The following RPL26 variants were observed in gnomAD, a reference collection of about 807,000 sequenced individuals.
RPL26 encodes the protein ribosomal protein L26, also known as large ribosomal subunit protein uL24.
A neutral mutation model predicts 16.2 loss-of-function variants in RPL26; 1 was observed. The observed-to-expected ratio is 0.06, with a 90% CI of 0.02 to 0.29. The LOEUF is 0.29. Among genes scored for constraint, RPL26 ranks in the 10% least tolerant of loss-of-function variants. The pLI is 1.00. For synonymous variants in RPL26, 55 were observed against 62.4 expected, an observed-to-expected ratio of 0.88 and a Z score of 0.56; for missense variants, 102 against 184.3, an observed-to-expected ratio of 0.55 and a Z score of 2.58.
At chr17:8,382,431 G>T in intron 1 of RPL26, 116 bp from the exon 2 acceptor site, 1 of 727,948 alleles carries the variant, frequency 1.4e-6, no homozygotes, top group Non-Finnish European at 2.2e-6. Flanking sequence ...GTGTCATGTT[G>T]TGCAACTTCA....
chr17:8,380,974 G>A (rs1185299154), intron 2 of RPL26: 2 of 152,184 alleles, frequency 1.3e-5, no homozygotes, highest in Non-Finnish European at 2.9e-5. Context: ...TAGGCAGCTA[G>A]AGGCTTCCCC....
intron 3 of RPL26, 133 bp from the exon 4 acceptor site, chr17:8,377,825 A>G (rs1306613195): frequency 2.7e-6 from 2 of 734,116 alleles, no homozygotes; most frequent in African/African-American, 3.5e-5. Flanking sequence ...TTTAACTTTT[A>G]AAAAACTCCA....
intron 3 of RPL26, 122 bp from the exon 4 acceptor site, chr17:8,377,814 T>C (rs1048191921): frequency 1.2e-6 from 1 of 820,486 alleles, no homozygotes; most frequent in Non-Finnish European, 1.8e-6. Flanking sequence ...TAAGAAAAGA[T>C]TTTAACTTTT....
At position 8,382,315 on chromosome 17, in the gene RPL26, G is replaced by C. The variant is rs753066603; in HGVS notation, c.-5C>G. The C allele has an allele frequency of 8.1e-6, 13 of 1,605,538 alleles. No individual in the cohort carries two copies. The East Asian group carries it at 2.9e-4, about 36-fold the overall frequency. On this transcript the variant is annotated splice_region_variant and 5_prime_UTR_variant, in exon 2 of 4. Coordinates refer to ENST00000648839, the MANE Select transcript of RPL26 (RefSeq NM_000987.5). ...CACAAAGGGATTAAACTTCATTTTG[G>C]CTAAATAAAAAGTTAAAAAGACTCT...
intron 2 of RPL26, chr17:8,380,957 TAC>T (rs1388452567): frequency 1.3e-5 from 2 of 152,168 alleles, no homozygotes; most frequent in Non-Finnish European, 2.9e-5. Flanking sequence ...GACTAGAAAT[TAC>T]AGTTTAGGCA....
intron 1 of RPL26, chr17:8,382,703 A>G: frequency 3.4e-6 from 1 of 293,998 alleles, no homozygotes; most frequent in Non-Finnish European, 6.2e-6. Context: ...AGAAGGTACA[A>G]TCAACGTTCA....
In RPL26 at chr17:8,377,681, A is replaced by C. The variant is rs1211393150; in HGVS notation, c.321T>G (p.Thr107=). The C allele has an allele frequency of 3.7e-6, 6 of 1,606,604 alleles. No individual in the cohort carries two copies. ...TGCGGTCTTTGTCCAGTTTTAGCCTAGTGATAACCACCTGCAGAAAAATAA... is the reference window on the plus strand; with the variant it reads ...TGCGGTCTTTGTCCAGTTTTAGCCTCGTGATAACCACCTGCAGAAAAATAA... ...VGIHPSKVVI[T]RLKLDKDRKK... is the part of the protein sequence containing the mutation. Residue 107 remains threonine (T), a synonymous_variant, in exon 4 of 4, where the codon ACT becomes ACG. Coordinates refer to ENST00000648839, the MANE Select transcript of RPL26 (RefSeq NM_000987.5).
At chr17:8,379,109 GC>G (rs1197834180) in intron 3 of RPL26, 1 of 152,108 alleles carries the variant, frequency 6.6e-6, no homozygotes, top group Admixed American at 6.5e-5. Flanking sequence ...CTACCAAGTT[GC>G]TAGGAGGCGA....
At chr17:8,380,290 C>T (rs944514773) in intron 2 of RPL26, among the ~76,000 whole-genome samples, 1 of 152,216 alleles carries the variant, frequency 6.6e-6, no homozygotes, top group Non-Finnish European at 1.5e-5. Flanking sequence ...ACAGATTCTT[C>T]TTCCCAGTTT....
chr17:8,381,117 C>T (rs1320689170), intron 2 of RPL26: 1 of 152,096 alleles, frequency 6.6e-6, no homozygotes, highest in African/African-American at 2.4e-5. Flanking sequence ...GGCCCCCATC[C>T]AGGAACCAAC....
intron 1 of RPL26, 86 bp from the exon 2 acceptor site, chr17:8,382,401 G>A: frequency 1.0e-6 from 1 of 980,260 alleles, no homozygotes. Flanking sequence ...TATCTTGATA[G>A]TCTAGAATGA....
At chr17:8,379,576 A>G (rs1907318476) in intron 3 of RPL26, 1 of 583,714 alleles carries the variant, frequency 1.7e-6, no homozygotes, top group Admixed American at 3.3e-5. Flanking sequence ...TGTCTCAAAA[A>G]CAAACTAACA....
chr17:8,383,097 G>A (rs1907507054), intron 1 of RPL26, 60 bp downstream of exon 1: 1 of 398,622 alleles, frequency 2.5e-6, no homozygotes. Context: ...GCGGTCGGAA[G>A]CCACCATGCC....
At chr17:8,381,980 G>A in intron 2 of RPL26, 163 bp downstream of exon 2, 2 of 550,836 alleles carry the variant, frequency 3.6e-6, no homozygotes, top group Non-Finnish European at 6.4e-6. Context: ...ATTAAAAACT[G>A]AAAAGCAGCT....
chr17:8,383,089 G>C (rs1907506082), intron 1 of RPL26, 68 bp downstream of exon 1: 1 of 398,492 alleles, frequency 2.5e-6, no homozygotes, highest in Admixed American at 4.4e-5. Context: ...GGGTCCCCGC[G>C]GTCGGAAGCC....
At position 8,382,318 on chromosome 17, in the gene RPL26, A is replaced by G. The variant is rs755747360; in HGVS notation, c.-5-3T>C. ...AAAGGGATTAAACTTCATTTTGGCTAAATAAAAAGTTAAAAAGACTCTTAA... is the reference window on the plus strand; with the variant it reads ...AAAGGGATTAAACTTCATTTTGGCTGAATAAAAAGTTAAAAAGACTCTTAA... On this transcript the variant is annotated splice_region_variant and splice_polypyrimidine_tract_variant and intron_variant, in intron 1 of 3. Transcript: ENST00000648839. 6.2e-7 allele frequency: 1 copy of G among 1,605,580 alleles called. No homozygotes were observed. Among genetic ancestry groups the G allele is most frequent in the Non-Finnish European group, 8.5e-7 (1 of 1,174,886 alleles).
intron 3 of RPL26, 71 bp from the exon 4 acceptor site, chr17:8,377,763 T>C: frequency 1.4e-6 from 2 of 1,416,388 alleles, no homozygotes; most frequent in South Asian, 2.9e-5. Context: ...AAGCCCAACA[T>C]TCAATACCAT....
intron 3 of RPL26, among the ~76,000 whole-genome samples, chr17:8,378,656 C>A (rs1336212667): frequency 6.6e-6 from 1 of 152,150 alleles, no homozygotes; most frequent in Non-Finnish European, 1.5e-5. Context: ...TAAAAGACAT[C>A]CAAATTATGA....
Position 8,382,329 on chromosome 17 carries a change from TAA to T in RPL26, c.-5-16_-5-15del, listed in dbSNP as rs533883480. 195 of 1,598,772 alleles carry T rather than the reference TAA, an allele frequency of 1.2e-4. 2 individuals carry two copies. In the African/African-American group the frequency reaches 2.0e-3, roughly 17 times the overall value. ...ACTTCATTTTGGCTAAATAAAAAGT[TAA>T]AAAGACTCTTAAATGACCAAAATCT... On this transcript the variant is annotated splice_polypyrimidine_tract_variant and intron_variant, in intron 1 of 3. Coordinates refer to ENST00000648839, the MANE Select transcript of RPL26 (RefSeq NM_000987.5).
Sources: gnomAD v4.1 joint callset for allele counts (sites outside exome capture counted in the v4.1 genomes callset) on GRCh38, gnomAD v4.1.1 for gene constraint, MANE v1.5 for transcripts, NCBI Gene and HGNC (gene_info 2026-07-23, HGNC 2026-07-21) for gene names.